The following CDH18 variants were observed in gnomAD, a reference collection of about 807,000 sequenced individuals.
The protein encoded by CDH18 is cadherin-18.
In CDH18, 31 loss-of-function variants were observed where a neutral mutation model predicts 67.9. The ratio of observed to expected loss-of-function variants is 0.46; its 90% CI spans 0.34 to 0.62. CDH18 has a LOEUF of 0.62. CDH18 is among the 20% of genes least tolerant of loss of function. The pLI, the probability that CDH18 is intolerant of heterozygous loss-of-function variation, is 0.01. For synonymous variants in CDH18, 362 were observed against 347.2 expected, an observed-to-expected ratio of 1.04 and a Z score of -0.48; for missense variants, 890 against 975.5, an observed-to-expected ratio of 0.91 and a Z score of 1.17.
chr5:20,057,445 T>C (rs565599538), intron 2 of CDH18, among the ~76,000 whole-genome samples: 81 of 152,318 alleles, frequency 5.3e-4, no homozygotes, highest in Admixed American at 1.2e-3. Context: ...TAAATATACA[T>C]CCTCTTTATT....
chr5:19,578,629 C>T (rs895933929), intron 7 of CDH18, among the ~76,000 whole-genome samples: 4 of 151,282 alleles, frequency 2.6e-5, no homozygotes, highest in African/African-American at 4.9e-5. Context: ...TTTTATTCTC[C>T]ATTATTAGTT....
intron 1 of CDH18, among the ~76,000 whole-genome samples, chr5:20,426,512 T>C (rs2150168204): frequency 6.6e-6 from 1 of 151,324 alleles, no homozygotes; most frequent in Middle Eastern, 3.4e-3. Flanking sequence ...AAAAAAACTT[T>C]CTGGAGCTTT....
At chr5:19,556,900 T>C (rs528613641) in intron 8 of CDH18, among the ~76,000 whole-genome samples, 2 of 152,242 alleles carry the variant, frequency 1.3e-5, no homozygotes, top group Admixed American at 6.5e-5. Context: ...AAACACCAGG[T>C]AATCTATAAA....
intron 10 of CDH18, among the ~76,000 whole-genome samples, chr5:19,516,789 C>CA (rs59380974): frequency 0.05 from 7,563 of 151,124 alleles, 614 homozygotes; most frequent in African/African-American, 0.17. Context: ...TTGATCTTTT[C>CA]AAAAAAAACA....
intron 2 of CDH18, among the ~76,000 whole-genome samples, chr5:20,118,145 G>A (rs1038612769): frequency 2.0e-5 from 3 of 152,074 alleles, no homozygotes; most frequent in African/African-American, 4.8e-5. Flanking sequence ...TTTAATAAGT[G>A]CATTACATTA....
At chr5:20,333,407 T>C (rs957745255) in intron 1 of CDH18, among the ~76,000 whole-genome samples, 1 of 150,370 alleles carries the variant, frequency 6.7e-6, no homozygotes, top group African/African-American at 2.5e-5. Context: ...CTTGGGAGGC[T>C]GAGGGAGGGG....
chr5:19,520,562 C>A, intron 10 of CDH18, 95 bp downstream of exon 10: 1 of 1,067,112 alleles, frequency 9.4e-7, no homozygotes, highest in South Asian at 1.9e-5. Context: ...CAAAATTACA[C>A]TGTGGGCTTT....
chr5:20,451,988 A>G (rs1750487316), intron 1 of CDH18, among the ~76,000 whole-genome samples: 1 of 152,136 alleles, frequency 6.6e-6, no homozygotes, highest in Non-Finnish European at 1.5e-5. Context: ...TAAGAAAACC[A>G]TGTAAAGAAA....
chr5:19,573,572 C>T (rs1741823985), intron 7 of CDH18, among the ~76,000 whole-genome samples: 2 of 151,974 alleles, frequency 1.3e-5, no homozygotes, highest in Non-Finnish European at 2.9e-5. Context: ...GCCACCATGC[C>T]CGGCCGAGGA....
intron 5 of CDH18, among the ~76,000 whole-genome samples, chr5:19,690,423 T>C (rs2150419454): frequency 6.6e-6 from 1 of 151,138 alleles, no homozygotes; most frequent in East Asian, 1.9e-4. Context: ...CACCCCAAAC[T>C]TAATATAAGG....
chr5:20,377,080 G>A (rs932577094), intron 1 of CDH18, among the ~76,000 whole-genome samples: 1 of 151,880 alleles, frequency 6.6e-6, no homozygotes, highest in Non-Finnish European at 1.5e-5. Flanking sequence ...GGCTCTTTCT[G>A]AAGCGGTCAC....
At chr5:19,647,087 G>C (rs1337952442) in intron 5 of CDH18, among the ~76,000 whole-genome samples, 1 of 152,024 alleles carries the variant, frequency 6.6e-6, no homozygotes, top group Non-Finnish European at 1.5e-5. Context: ...AAAGAACTAT[G>C]AGTTCATAAG....
At chr5:20,088,254 T>A (rs186977337) in intron 2 of CDH18, among the ~76,000 whole-genome samples, 4 of 152,314 alleles carry the variant, frequency 2.6e-5, no homozygotes, top group Admixed American at 2.0e-4. Context: ...CACTTAAAAC[T>A]ATTCTCTAAC....
intron 2 of CDH18, among the ~76,000 whole-genome samples, chr5:20,046,024 G>C (rs965187320): frequency 3.3e-5 from 5 of 151,994 alleles, no homozygotes; most frequent in Admixed American, 3.3e-4. Context: ...TTTTTTAAAG[G>C]TTCACTCTGG....
At chr5:20,073,693 C>T (rs1561768808) in intron 2 of CDH18, among the ~76,000 whole-genome samples, 1 of 151,586 alleles carries the variant, frequency 6.6e-6, no homozygotes, top group South Asian at 2.1e-4. Context: ...CCTTCTAATA[C>T]ACAGTATTTA....
At chr5:20,486,659 T>A (rs1332636430) in intron 1 of CDH18, among the ~76,000 whole-genome samples, 2 of 66,884 alleles carry the variant, frequency 3.0e-5, no homozygotes, top group African/African-American at 4.7e-5. Flanking sequence ...AGGAGCAAGT[T>A]GTTTTACCTG....
chr5:20,157,113 C>T (rs547704588), intron 2 of CDH18, among the ~76,000 whole-genome samples: 1 of 152,094 alleles, frequency 6.6e-6, no homozygotes, highest in Non-Finnish European at 1.5e-5. Context: ...CTTTGGGACA[C>T]AGAAAGATGG....
intron 2 of CDH18, among the ~76,000 whole-genome samples, chr5:19,848,900 G>A (rs1407467396): frequency 6.7e-6 from 1 of 149,100 alleles, no homozygotes; most frequent in Non-Finnish European, 1.5e-5. Flanking sequence ...TATATAATGT[G>A]TATATATACA....
intron 1 of CDH18, among the ~76,000 whole-genome samples, chr5:20,453,949 A>G (rs1019149197): frequency 1.3e-5 from 2 of 152,188 alleles, no homozygotes; most frequent in Non-Finnish European, 1.5e-5. Context: ...ATAAAAATTA[A>G]TACTTTTTAT....
Sources: allele counts gnomAD v4.1 joint callset (sites outside exome capture counted in the v4.1 genomes callset), GRCh38; gene constraint gnomAD v4.1.1; transcripts MANE v1.5; gene names NCBI Gene and HGNC (gene_info 2026-07-23, HGNC 2026-07-21).